The following KCNH1 variants were observed in gnomAD, a reference collection of about 807,000 sequenced individuals.
The protein encoded by KCNH1 is potassium voltage-gated channel subfamily H member 1, also known as voltage-gated delayed rectifier potassium channel KCNH1.
A neutral mutation model predicts 69.2 loss-of-function variants in KCNH1; 27 were observed. That is an observed-to-expected ratio of 0.39 (90% CI 0.29 to 0.54). The LOEUF is 0.54. Ranked by LOEUF, KCNH1 falls within the 20% of genes least tolerant of loss-of-function variation. The probability of loss-of-function intolerance (pLI) is 0.68; values close to 1 mark genes in which losing one functional copy is unlikely to be tolerated. For synonymous variants in KCNH1, 456 were observed against 487.7 expected (o/e 0.93, Z 0.86); for missense variants, 798 against 1,261.6 (o/e 0.63, Z 5.57).
chr1:210,720,276 C>T lies in KCNH1; in HGVS notation c.2113-36138G>A, dbSNP rs981729139. Among the ~76,000 whole-genome samples, 6 of 152,016 alleles carry T rather than the reference C, an allele frequency of 3.9e-5. No individual in the cohort carries two copies. In the South Asian group the frequency reaches 6.2e-4, roughly 16 times the overall value. ...GTGTGTAGAAAGTGAGGTATGGGAA[C>T]GGGAATTGAGGACTTCATTGCATTA... On this transcript the variant is annotated intron_variant, in intron 10 of 10. Transcript: ENST00000271751.
chr1:211,004,533 C>T (rs1346746870), intron 6 of KCNH1, among the ~76,000 whole-genome samples: 1 of 151,288 alleles, frequency 6.6e-6, no homozygotes, highest in Non-Finnish European at 1.5e-5. Context: ...AGAAAGTTAA[C>T]AGAAAGGTGA....
intron 7 of KCNH1, chr1:210,860,159 G>A (rs1685945695): frequency 8.6e-7 from 1 of 1,157,248 alleles, no homozygotes; most frequent in African/African-American, 1.5e-5. Context: ...GTATCAGACA[G>A]AAGTGTCTTG....
intron 10 of KCNH1, among the ~76,000 whole-genome samples, chr1:210,728,837 G>T (rs553718324): frequency 8.9e-4 from 135 of 152,338 alleles, no homozygotes; most frequent in African/African-American, 3.1e-3. Context: ...CAAATGTCTT[G>T]CTGGGAACCA....
At chr1:211,009,798 C>T (rs1017953902) in intron 6 of KCNH1, among the ~76,000 whole-genome samples, 7 of 151,716 alleles carry the variant, frequency 4.6e-5, no homozygotes, top group Non-Finnish European at 7.4e-5. Flanking sequence ...TAGTAGAGAC[C>T]GAGTTTCACT....
At chr1:210,869,705 TTACTC>T (rs954860434) in intron 7 of KCNH1, among the ~76,000 whole-genome samples, 10 of 152,082 alleles carry the variant, frequency 6.6e-5, no homozygotes, top group Admixed American at 1.3e-4. Flanking sequence ...TAAGTAGACT[TTACTC>T]TAGGGCTTAT....
intron 6 of KCNH1, among the ~76,000 whole-genome samples, chr1:210,998,279 G>C (rs1689093849): frequency 6.6e-6 from 1 of 152,130 alleles, no homozygotes; most frequent in Admixed American, 6.6e-5. Flanking sequence ...CTCACATGCA[G>C]AGACACACAT....
In KCNH1 at chr1:210,898,372, G is replaced by T. The variant is rs187136331; in HGVS notation, c.1462+21268C>A. 2.1e-4 allele frequency among the ~76,000 whole-genome samples: 32 copies of T among 152,266 alleles called. 1 individual carries two copies. The highest frequency in any genetic ancestry group is 3.7e-4 in the Non-Finnish European group (25 of 68,020). On this transcript the variant is annotated intron_variant, in intron 7 of 10. Coordinates refer to ENST00000271751, the MANE Select transcript of KCNH1 (RefSeq NM_172362.3). Reference sequence around the variant, plus strand: ...TTTATAAACCTCAGCCCCACAGAAGGTACAGAAACATTAACAGGCATGGTT... The same window carrying T: ...TTTATAAACCTCAGCCCCACAGAAGTTACAGAAACATTAACAGGCATGGTT...
chr1:210,766,545 T>C (rs1683637668), intron 10 of KCNH1, among the ~76,000 whole-genome samples: 1 of 152,056 alleles, frequency 6.6e-6, no homozygotes, highest in South Asian at 2.1e-4. Context: ...GGAAGTATAA[T>C]GAGAGCTACA....
At chr1:211,108,346 C>T (rs1436143820) in intron 1 of KCNH1, 2 of 146,586 alleles carry the variant, frequency 1.4e-5, no homozygotes, top group Non-Finnish European at 3.0e-5. Context: ...AGAAACAATA[C>T]AAACAGCCTT....
rs148456538 is a variant in KCNH1 at position 210,714,998 on chromosome 1, G to T, written c.2113-30860C>A. 1.6e-3 allele frequency among the ~76,000 whole-genome samples: 246 copies of T among 152,282 alleles called. 2 individuals are homozygous for T. The highest frequency in any genetic ancestry group is 4.8e-3 in the African/African-American group (198 of 41,556). Reference sequence around the variant, plus strand: ...TGACCGGCACAGACTACCCATCAGAGACCTGTGTTGGTCCTAGTGGGTGCA... The same window carrying T: ...TGACCGGCACAGACTACCCATCAGATACCTGTGTTGGTCCTAGTGGGTGCA... On this transcript the variant is annotated intron_variant, in intron 10 of 10. Transcript: ENST00000271751.
intron 10 of KCNH1, among the ~76,000 whole-genome samples, chr1:210,733,266 A>C (rs1682789603): frequency 6.6e-6 from 1 of 152,220 alleles, no homozygotes; most frequent in Non-Finnish European, 1.5e-5. Flanking sequence ...TTAGGTTTGG[A>C]AAATGCTCTG....
intron 7 of KCNH1, among the ~76,000 whole-genome samples, chr1:210,916,929 C>A (rs1373448150): frequency 6.6e-6 from 1 of 151,986 alleles, no homozygotes; most frequent in Non-Finnish European, 1.5e-5. Context: ...AGGTGGATCA[C>A]CTGAGGTCAG....
At chr1:210,922,527 C>T (rs1316829205) in intron 6 of KCNH1, among the ~76,000 whole-genome samples, 3 of 151,708 alleles carry the variant, frequency 2.0e-5, no homozygotes, top group Non-Finnish European at 4.4e-5. Flanking sequence ...TTTTTGTAGG[C>T]CAAGGGCCTA....
At chr1:210,945,336 G>T (rs1203675924) in intron 6 of KCNH1, among the ~76,000 whole-genome samples, 1 of 152,142 alleles carries the variant, frequency 6.6e-6, no homozygotes, top group Non-Finnish European at 1.5e-5. Context: ...TTATAAACAT[G>T]ACCTCATTTA....
chr1:210,999,548 G>T (rs137984632), intron 6 of KCNH1, among the ~76,000 whole-genome samples: 1 of 152,116 alleles, frequency 6.6e-6, no homozygotes, highest in African/African-American at 2.4e-5. Context: ...AAAAAGTCCA[G>T]GACCAGATGG....
intron 10 of KCNH1, among the ~76,000 whole-genome samples, chr1:210,701,146 C>T (rs1014424561): frequency 1.4e-4 from 22 of 152,046 alleles, no homozygotes; most frequent in Non-Finnish European, 3.1e-4. Flanking sequence ...ACTGTGTTGG[C>T]CAGGATGGTC....
At chr1:210,715,343 C>T (rs1682201079) in intron 10 of KCNH1, among the ~76,000 whole-genome samples, 1 of 152,062 alleles carries the variant, frequency 6.6e-6, no homozygotes, top group Non-Finnish European at 1.5e-5. Flanking sequence ...GCCTTAGGCT[C>T]AATAGTCAGA....
chr1:210,852,427 T>C (rs1480350678), intron 7 of KCNH1, among the ~76,000 whole-genome samples: 2 of 152,212 alleles, frequency 1.3e-5, no homozygotes, highest in African/African-American at 4.8e-5. Context: ...TCAGTCAACA[T>C]GGGCTGCATG....
At chr1:211,010,630 C>A (rs1164518146) in intron 6 of KCNH1, among the ~76,000 whole-genome samples, 1 of 152,124 alleles carries the variant, frequency 6.6e-6, no homozygotes. Context: ...TGCCAGGAAG[C>A]CTCCCTGGAT....
Sources: allele counts gnomAD v4.1 joint callset (sites outside exome capture counted in the v4.1 genomes callset), GRCh38; gene constraint gnomAD v4.1.1; transcripts MANE v1.5; gene names NCBI Gene and HGNC (gene_info 2026-07-23, HGNC 2026-07-21).